Variants in KAT14 observed in about 807,000 individuals in gnomAD.
The protein encoded by KAT14 is lysine acetyltransferase 14, also known as cysteine-rich protein 2-binding protein.
Under a neutral mutation model 78.4 loss-of-function variants are expected in KAT14, and 66 were observed. That is an observed-to-expected ratio of 0.84 (90% CI 0.69 to 1.03). The LOEUF is 1.03. Ranked by LOEUF, KAT14 falls within the 50% of genes least tolerant of loss-of-function variation. The pLI is 0.00. For synonymous variants in KAT14, 344 were observed against 359.4 expected (o/e 0.96, Z 0.48); for missense variants, 870 against 972.5 (o/e 0.89, Z 1.40).
At chr20:18,151,720 T>A (rs772380060) in intron 4 of KAT14, among the ~76,000 whole-genome samples, 1 of 151,810 alleles carries the variant, frequency 6.6e-6, no homozygotes, top group Non-Finnish European at 1.5e-5. Flanking sequence ...AAAAAAAAAC[T>A]TGGCTGGGCG....
intron 10 of KAT14, 137 bp from the exon 11 acceptor site, chr20:18,187,149 T>C (rs2039474772): frequency 1.8e-6 from 2 of 1,106,104 alleles, no homozygotes; most frequent in East Asian, 5.3e-5. Flanking sequence ...TTGCTAGGTG[T>C]TGCAATGTCT....
At chr20:18,152,638 A>C (rs2038090632) in intron 4 of KAT14, among the ~76,000 whole-genome samples, 1 of 152,268 alleles carries the variant, frequency 6.6e-6, no homozygotes, top group Non-Finnish European at 1.5e-5. Context: ...TAGGAGGACA[A>C]GACAGGAAAA....
intron 5 of KAT14, among the ~76,000 whole-genome samples, chr20:18,159,717 A>G (rs900359777): frequency 6.6e-6 from 1 of 152,232 alleles, no homozygotes; most frequent in Non-Finnish European, 1.5e-5. Flanking sequence ...AATCCCAGGA[A>G]TCAACATTTC....
In KAT14 at chr20:18,170,471, T is replaced by A. The variant is rs376167855; in HGVS notation, c.1668+7526T>A. 2.6e-5 allele frequency among the ~76,000 whole-genome samples: 4 copies of A among 152,346 alleles called. No individual in the cohort carries two copies. In the East Asian group the frequency reaches 7.7e-4, roughly 29 times the overall value. On this transcript the variant is annotated intron_variant, in intron 7 of 10. Transcript: ENST00000688188. ...GCAGCAAAGCTTGGATGACAGCATATCTGTTTACAGCATGGTTTACTGAAT... is the reference window on the plus strand; with the variant it reads ...GCAGCAAAGCTTGGATGACAGCATAACTGTTTACAGCATGGTTTACTGAAT...
intron 2 of KAT14, 38 bp downstream of exon 2, chr20:18,142,957 T>C (rs1023951006): frequency 2.5e-6 from 4 of 1,598,442 alleles, no homozygotes; most frequent in Non-Finnish European, 3.4e-6. Context: ...TGTCAATTCC[T>C]GTGTGAAGGT....
chr20:18,149,942 T>C (rs907071392), intron 3 of KAT14, among the ~76,000 whole-genome samples: 2 of 152,114 alleles, frequency 1.3e-5, no homozygotes, highest in Non-Finnish European at 2.9e-5. Context: ...ACAGTGGGAC[T>C]CTTGTCTCAA....
At chr20:18,164,628 T>C (rs1192768833) in intron 7 of KAT14, among the ~76,000 whole-genome samples, 1 of 150,200 alleles carries the variant, frequency 6.7e-6, no homozygotes. Context: ...TTTTTTTTTT[T>C]TTTTTTGAGA....
intron 8 of KAT14, among the ~76,000 whole-genome samples, chr20:18,182,391 G>A (rs1404988872): frequency 1.3e-5 from 2 of 152,106 alleles, no homozygotes; most frequent in African/African-American, 4.8e-5. Context: ...CAAAGTGCTG[G>A]GATTACAGGC....
chr20:18,142,969 T>G (rs778893335), intron 2 of KAT14, 50 bp downstream of exon 2: 4 of 1,593,486 alleles, frequency 2.5e-6, no homozygotes, highest in Non-Finnish European at 3.4e-6. Context: ...TGTGAAGGTT[T>G]GTTTTTCCAA....
intron 4 of KAT14, among the ~76,000 whole-genome samples, chr20:18,155,668 T>A (rs1349882205): frequency 6.6e-6 from 1 of 152,054 alleles, no homozygotes; most frequent in Non-Finnish European, 1.5e-5. Flanking sequence ...ATTAGGGAAA[T>A]GCAAATCAAA....
rs1427997664 is a variant in KAT14 at position 18,145,014 on chromosome 20, A to G, written c.260-219A>G. On this transcript the variant is annotated intron_variant, in intron 2 of 10. Coordinates refer to ENST00000688188, the MANE Select transcript of KAT14 (RefSeq NM_001392073.1). Reference sequence around the variant, plus strand: ...CTGCTTTTCCAGTACCTTTCTCCTAAAAGTTACTGGATCCTACAGATCTTA... The same window carrying G: ...CTGCTTTTCCAGTACCTTTCTCCTAGAAGTTACTGGATCCTACAGATCTTA... 10 of 1,158,422 alleles carry G rather than the reference A, an allele frequency of 8.6e-6. No individual in the cohort carries two copies. The South Asian group carries it at 1.0e-4, about 12-fold the overall frequency. The allele number at this position is 1,158,422 out of a possible 1,614,324, so 71.8% of individuals were successfully genotyped here. A position where few individuals can be genotyped will look rare whatever the true frequency, so the allele number is the denominator to read the frequency against.
chr20:18,151,670 T>C (rs1242278659), intron 4 of KAT14, among the ~76,000 whole-genome samples: 1 of 151,882 alleles, frequency 6.6e-6, no homozygotes, highest in Non-Finnish European at 1.5e-5. Flanking sequence ...ATTACGAAAA[T>C]TTTTGAATTC....
rs561654360 is a variant in KAT14, at chr20:18,147,945, C to T, written c.378+2594C>T. ...AGATTATTTTTTCACTTCCAAAATA[C>T]GTATTGATGGTGGATACTAACCTGG... On this transcript the variant is annotated intron_variant, in intron 3 of 10. Transcript: ENST00000688188. Among the ~76,000 whole-genome samples, 93 of 152,258 alleles carry T rather than the reference C, an allele frequency of 6.1e-4. 1 individual carries two copies. In the South Asian group the frequency reaches 0.016, roughly 26 times the overall value.
In KAT14 at chr20:18,187,519, C is replaced by T. The variant is rs2039488057; in HGVS notation, c.*60C>T. 3.8e-6 allele frequency: 6 copies of T among 1,599,288 alleles called. No individual in the cohort carries two copies. The highest frequency in any genetic ancestry group is 3.4e-6 in the Non-Finnish European group (4 of 1,175,822). On this transcript the variant is annotated 3_prime_UTR_variant, in exon 11 of 11. Transcript: ENST00000688188. ...TTGGAGAACAGGTCTTTGTGGAGAT[C>T]TAAAGGCAGTGATTGATTTCACAGG...
chr20:18,145,190 G>A, intron 2 of KAT14, 43 bp from the exon 3 acceptor site: 7 of 1,606,690 alleles, frequency 4.4e-6, no homozygotes, highest in Non-Finnish European at 5.1e-6. Flanking sequence ...GGTTACCGCT[G>A]CTCTAGATAA....
At chr20:18,141,863 G>A (rs1027278402) in intron 1 of KAT14, among the ~76,000 whole-genome samples, 2 of 152,176 alleles carry the variant, frequency 1.3e-5, no homozygotes, top group African/African-American at 4.8e-5. Context: ...TCCAGCCTGG[G>A]CGACAGAGCG....
intron 10 of KAT14, among the ~76,000 whole-genome samples, chr20:18,186,236 A>G (rs1179618769): frequency 6.6e-6 from 1 of 152,158 alleles, no homozygotes; most frequent in Non-Finnish European, 1.5e-5. Flanking sequence ...CTTCCCCTCC[A>G]GCCAGACCAT....
At chr20:18,178,174 A>T (rs1355057415) in intron 7 of KAT14, among the ~76,000 whole-genome samples, 3 of 152,234 alleles carry the variant, frequency 2.0e-5, no homozygotes, top group Non-Finnish European at 4.4e-5. Flanking sequence ...AAAGGGAAAC[A>T]GAACATAAAA....
rs149980889 is a variant in KAT14, at chr20:18,147,938, C to T, written c.378+2587C>T. 5.9e-3 allele frequency among the ~76,000 whole-genome samples: 902 copies of T among 152,230 alleles called. 3 individuals carry two copies. The highest frequency in any genetic ancestry group is 9.1e-3 in the South Asian group (44 of 4,822). ...AACTTGCAGATTATTTTTTCACTTC[C>T]AAAATACGTATTGATGGTGGATACT... On this transcript the variant is annotated intron_variant, in intron 3 of 10. Transcript: ENST00000688188.
Sources: gnomAD v4.1 joint callset for allele counts (sites outside exome capture counted in the v4.1 genomes callset) on GRCh38, gnomAD v4.1.1 for gene constraint, MANE v1.5 for transcripts, NCBI Gene and HGNC (gene_info 2026-07-23, HGNC 2026-07-21) for gene names.